Variants in AJAP1 observed in about 807,000 individuals in gnomAD.
The protein encoded by AJAP1 is adherens junction-associated protein 1.
In AJAP1, 5 loss-of-function variants were observed where a neutral mutation model predicts 35.0. The ratio of observed to expected loss-of-function variants is 0.14; its 90% CI spans 0.07 to 0.30. The LOEUF (loss-of-function observed/expected upper bound fraction) is 0.30, where lower values mean the gene tolerates loss of function less well. AJAP1 is among the 10% of genes least tolerant of loss of function. The pLI is 1.00. For synonymous variants in AJAP1, 284 were observed against 249.3 expected, an observed-to-expected ratio of 1.14 and a Z score of -1.31; for missense variants, 586 against 571.0, an observed-to-expected ratio of 1.03 and a Z score of -0.27.
intron 1 of AJAP1, among the ~76,000 whole-genome samples, chr1:4,690,510 C>T (rs549087812): frequency 6.6e-5 from 10 of 152,200 alleles, no homozygotes; most frequent in Non-Finnish European, 8.8e-5. Context: ...GAGGGGACGT[C>T]GCGGCTGCTT....
chr1:4,666,897 G>T (rs1371225770), intron 1 of AJAP1, among the ~76,000 whole-genome samples: 1 of 149,084 alleles, frequency 6.7e-6, no homozygotes, highest in Non-Finnish European at 1.5e-5. Context: ...TCACGGGAGG[G>T]TTATGGAGAG....
intron 2 of AJAP1, among the ~76,000 whole-genome samples, chr1:4,728,026 C>G (rs1640711013): frequency 6.6e-6 from 1 of 152,216 alleles, no homozygotes; most frequent in African/African-American, 2.4e-5. Context: ...GGACCTTGAG[C>G]AGAGGACCTA....
In AJAP1 at chr1:4,692,022, C is replaced by T. The variant is rs1197488196; in HGVS notation, c.30-19878C>T. On this transcript the variant is annotated intron_variant, in intron 1 of 5. Transcript: ENST00000378191. This position sits in a 1 kb window ranked among gnomAD's most constrained non-coding sequence, Gnocchi z 4.4. Reference sequence around the variant, plus strand: ...GGAGGGAGCCAAGAACAGCCTTTGCCCCAGGCCGGGTGTCCCTGAGACTGG... The same window carrying T: ...GGAGGGAGCCAAGAACAGCCTTTGCTCCAGGCCGGGTGTCCCTGAGACTGG... Among the ~76,000 whole-genome samples, 1 of 152,132 alleles carries T rather than the reference C, an allele frequency of 6.6e-6. No individual in the cohort carries two copies. Among genetic ancestry groups the T allele is most frequent in the Non-Finnish European group, 1.5e-5 (1 of 68,002 alleles).
chr1:4,688,130 C>A (rs116351988), intron 1 of AJAP1, among the ~76,000 whole-genome samples: 4,108 of 152,246 alleles, frequency 0.027, 111 homozygotes, highest in East Asian at 0.074. Context: ...CTGTGCTGGA[C>A]GAGGCTGGAG....
intron 1 of AJAP1, among the ~76,000 whole-genome samples, chr1:4,685,924 G>A (rs762605361): frequency 6.6e-6 from 1 of 152,242 alleles, no homozygotes; most frequent in Non-Finnish European, 1.5e-5. Flanking sequence ...GGCAGGAAAT[G>A]TCAGAGGACA....
intron 1 of AJAP1, among the ~76,000 whole-genome samples, chr1:4,695,643 G>A (rs1639842637): frequency 1.3e-5 from 2 of 152,186 alleles, no homozygotes. Flanking sequence ...TGTCTGCAGG[G>A]CTGGTTCCTG....
intron 1 of AJAP1, among the ~76,000 whole-genome samples, chr1:4,675,336 G>A (rs189616579): frequency 1.3e-5 from 2 of 152,352 alleles, no homozygotes; most frequent in African/African-American, 2.4e-5. Context: ...GGGAAGACAC[G>A]CGTGGGGCAG....
intron 1 of AJAP1, among the ~76,000 whole-genome samples, chr1:4,674,972 A>G (rs1197937163): frequency 6.6e-6 from 1 of 152,220 alleles, no homozygotes; most frequent in Non-Finnish European, 1.5e-5. Context: ...GAGTCGTCTC[A>G]GGCACTGGCT....
At chr1:4,750,742 G>C (rs772070793) in intron 2 of AJAP1, among the ~76,000 whole-genome samples, 32 of 151,348 alleles carry the variant, frequency 2.1e-4, no homozygotes, top group Non-Finnish European at 3.2e-4. Flanking sequence ...TGTCACCTTG[G>C]GAAGAAGACC....
chr1:4,703,894 C>T (rs150843872), intron 1 of AJAP1, among the ~76,000 whole-genome samples: 4 of 152,352 alleles, frequency 2.6e-5, no homozygotes, highest in Admixed American at 6.5e-5. Context: ...ACTGCCTCCC[C>T]GAGCTCCCTG....
At chr1:4,664,199 C>T (rs1191250530) in intron 1 of AJAP1, among the ~76,000 whole-genome samples, 1 of 152,170 alleles carries the variant, frequency 6.6e-6, no homozygotes, top group Non-Finnish European at 1.5e-5. Flanking sequence ...TCAGCTCCAG[C>T]ATCTGGCCTC....
chr1:4,683,804 G>A (rs761533230), intron 1 of AJAP1, among the ~76,000 whole-genome samples: 50 of 152,302 alleles, frequency 3.3e-4, no homozygotes, highest in Non-Finnish European at 6.0e-4. Flanking sequence ...GGCAAGGAAA[G>A]AACATCACTG....
chr1:4,776,327 C>T (rs923757879), intron 5 of AJAP1, among the ~76,000 whole-genome samples: 2 of 152,118 alleles, frequency 1.3e-5, no homozygotes, highest in Non-Finnish European at 2.9e-5. Flanking sequence ...TCATGGAACA[C>T]TTTTTACCTG....
At chr1:4,730,275 T>C (rs1370869433) in intron 2 of AJAP1, among the ~76,000 whole-genome samples, 3 of 152,146 alleles carry the variant, frequency 2.0e-5, no homozygotes, top group African/African-American at 7.2e-5. Context: ...CAAGGTGTCT[T>C]GTAAACTTAG....
chr1:4,705,718 A>G (rs919623496), intron 1 of AJAP1, among the ~76,000 whole-genome samples: 2 of 152,130 alleles, frequency 1.3e-5, no homozygotes, highest in South Asian at 2.1e-4. Flanking sequence ...GGAGCATTCT[A>G]TGCAATCCCT....
At chr1:4,695,952 C>T (rs1317467784) in intron 1 of AJAP1, among the ~76,000 whole-genome samples, 4 of 150,874 alleles carry the variant, frequency 2.7e-5, no homozygotes, top group South Asian at 2.1e-4. Flanking sequence ...TCAGTTCTCT[C>T]GTACTGGGGG....
At position 4,782,396 on chromosome 1, in the gene AJAP1, C is replaced by T. The variant is rs1642080550; in HGVS notation, c.*60-149C>T. ...GGCCTTGTCCACGTTCCAAGGACCC[C>T]TCCGTGTCAGTGAACCGATAAAGGG... On this transcript the variant is annotated intron_variant, in intron 5 of 5. Transcript: ENST00000378191. This position sits in a 1 kb window ranked among gnomAD's most constrained non-coding sequence, Gnocchi z 5.3. 1 of 196,654 alleles carries T rather than the reference C, an allele frequency of 5.1e-6. No individual in the cohort carries two copies. 12.2% of individuals were successfully genotyped at this position (196,654 alleles called of 1,614,324 possible). A position where few individuals can be genotyped will look rare whatever the true frequency, so the allele number is the denominator to read the frequency against.
chr1:4,748,120 C>T (rs1641233501), intron 2 of AJAP1, among the ~76,000 whole-genome samples: 1 of 152,152 alleles, frequency 6.6e-6, no homozygotes, highest in African/African-American at 2.4e-5. Flanking sequence ...TGGCCATCCC[C>T]TCACCTGACC....
chr1:4,674,065 A>AG (rs1320412403), intron 1 of AJAP1, among the ~76,000 whole-genome samples: 9 of 150,922 alleles, frequency 6.0e-5, no homozygotes, highest in African/African-American at 2.2e-4. Flanking sequence ...AAAAAAAAAA[A>AG]AGGAACAAAA....
Sources: gnomAD v4.1 joint callset for allele counts (sites outside exome capture counted in the v4.1 genomes callset) on GRCh38, gnomAD v4.1.1 for gene constraint, Gnocchi (gnomAD v3.1) non-coding constraint, MANE v1.5 for transcripts, NCBI Gene and HGNC (gene_info 2026-07-23, HGNC 2026-07-21) for gene names.